Variants in KRABD3 observed in about 807,000 individuals in gnomAD.
KRABD3 encodes the protein KRAB domain-containing protein 3.
chr7:149,730,354 G>A, the KRABD3 span: 45 of 1,544,504 alleles, frequency 2.9e-5, no homozygotes, highest in East Asian at 5.6e-4. Flanking sequence ...GAGCCTGTGC[G>A]GAGAGGGAGG....
At chr7:149,725,955 C>T in the KRABD3 span, 1 of 1,603,774 alleles carries the variant, frequency 6.2e-7, no homozygotes, top group Non-Finnish European at 8.5e-7. Flanking sequence ...CAGCAGGCCC[C>T]TGGCCCCCCG....
At chr7:149,734,392 G>A in the KRABD3 span, 10 of 249,030 alleles carry the variant, frequency 4.0e-5, no homozygotes, top group Non-Finnish European at 6.1e-5. Context: ...CACACAGCTA[G>A]AGCGGCCAGG....
the KRABD3 span, chr7:149,726,147 A>G: frequency 8.1e-7 from 1 of 1,229,204 alleles, no homozygotes; most frequent in African/African-American, 1.5e-5. Flanking sequence ...ACTGGGTCAG[A>G]CCCCCATGCC....
the KRABD3 span, chr7:149,730,646 T>A: frequency 1.3e-6 from 2 of 1,509,928 alleles, no homozygotes; most frequent in Admixed American, 4.0e-5. Context: ...CTTTGAGTCC[T>A]GCCTGTCGCT....
At chr7:149,724,607 A>T in the KRABD3 span, 1 of 1,363,154 alleles carries the variant, frequency 7.3e-7, no homozygotes, top group Non-Finnish European at 9.7e-7. Flanking sequence ...TCTCAGGGTG[A>T]GTCCAGGCCT....
the KRABD3 span, among the ~76,000 whole-genome samples, chr7:149,726,830 C>A: frequency 1.1e-4 from 17 of 152,064 alleles, no homozygotes; most frequent in African/African-American, 3.9e-4. Context: ...ATCACTTGAG[C>A]CCCAGCGTTT....
the KRABD3 span, chr7:149,720,793 C>A: frequency 6.5e-7 from 1 of 1,539,148 alleles, no homozygotes; most frequent in South Asian, 1.2e-5. Context: ...GAGTGCTGAG[C>A]AGCCGCAGGG....
At chr7:149,729,244 C>G in the KRABD3 span, 1 of 1,600,452 alleles carries the variant, frequency 6.2e-7, no homozygotes, top group Non-Finnish European at 8.5e-7. Context: ...GGGAGAAGCG[C>G]CCACCCGGAG....
the KRABD3 span, chr7:149,721,983 T>G: frequency 5.4e-6 from 2 of 370,032 alleles, no homozygotes; most frequent in Non-Finnish European, 1.0e-5. Context: ...TGCATGTCTG[T>G]TTTTATAAAA....
chr7:149,733,132 G>T, the KRABD3 span: 2 of 1,507,750 alleles, frequency 1.3e-6, no homozygotes, highest in Non-Finnish European at 1.8e-6. Flanking sequence ...GAGCGCCCTT[G>T]GTTCATGGGA....
chr7:149,733,466 C>T, the KRABD3 span: 1 of 1,582,332 alleles, frequency 6.3e-7, no homozygotes, highest in Non-Finnish European at 8.6e-7. Context: ...GGTGAATCGG[C>T]TGGGGAGGCG....
chr7:149,727,917 T>TG, the KRABD3 span, among the ~76,000 whole-genome samples: 1 of 152,322 alleles, frequency 6.6e-6, no homozygotes, highest in South Asian at 2.1e-4. Context: ...TCCCGCCCTG[T>TG]GCCTGGGCCC....
At chr7:149,731,312 G>T in the KRABD3 span, among the ~76,000 whole-genome samples, 1 of 152,198 alleles carries the variant, frequency 6.6e-6, no homozygotes, top group Non-Finnish European at 1.5e-5. Flanking sequence ...TCTTCACTCC[G>T]CAGTGGGCCT....
chr7:149,719,518 C>G, the KRABD3 span: 1 of 1,535,036 alleles, frequency 6.5e-7, no homozygotes, highest in Non-Finnish European at 8.7e-7. The surrounding 1 kb of genome is among the most constrained non-coding windows in gnomAD (Gnocchi z 5.6). Context: ...GATGGAACAA[C>G]CAACCCCCCC....
chr7:149,733,013 C>T, the KRABD3 span, among the ~76,000 whole-genome samples: 1 of 152,206 alleles, frequency 6.6e-6, no homozygotes, highest in Admixed American at 6.5e-5. Flanking sequence ...TGGGGAACAG[C>T]CAGGAGACAT....
chr7:149,733,476 G>T, the KRABD3 span: 3 of 1,578,990 alleles, frequency 1.9e-6, no homozygotes, highest in South Asian at 3.4e-5. Context: ...CTGGGGAGGC[G>T]CCCCCAAGGC....
chr7:149,718,851 C>T, the KRABD3 span, among the ~76,000 whole-genome samples: 1 of 152,170 alleles, frequency 6.6e-6, no homozygotes, highest in Non-Finnish European at 1.5e-5. Context: ...GACAAAAATG[C>T]TCGTGTTATT....
chr7:149,721,650 GTTGTGCTGT>G, the KRABD3 span: 5 of 1,161,214 alleles, frequency 4.3e-6, no homozygotes, highest in Non-Finnish European at 6.2e-6. Flanking sequence ...CAGTTCCCCT[GTTGTGCTGT>G]TCTTTTGTTA....
the KRABD3 span, chr7:149,723,869 C>A: frequency 1.2e-6 from 2 of 1,613,630 alleles, no homozygotes; most frequent in Admixed American, 3.3e-5. Flanking sequence ...AATCCAGGAG[C>A]CTGGAAAAGG....
Sources: gnomAD v4.1 joint callset for allele counts (sites outside exome capture counted in the v4.1 genomes callset) on GRCh38, gnomAD v4.1.1 for gene constraint, Gnocchi (gnomAD v3.1) non-coding constraint, MANE v1.5 for transcripts, NCBI Gene and HGNC (gene_info 2026-07-23, HGNC 2026-07-21) for gene names.